Variants in CCDC148 observed in about 807,000 individuals in gnomAD.
The protein encoded by CCDC148 is coiled-coil domain-containing protein 148.
In CCDC148, 89 loss-of-function variants were observed where a neutral mutation model predicts 85.7. The ratio of observed to expected loss-of-function variants is 1.04; its 90% CI spans 0.87 to 1.24. The LOEUF (loss-of-function observed/expected upper bound fraction) is 1.24. Ranked by LOEUF, CCDC148 falls within the 50% of genes most tolerant of loss-of-function variation. The pLI, the probability that CCDC148 is intolerant of heterozygous loss-of-function variation, is 0.00. For missense variants in CCDC148, 692 were observed against 671.7 expected, an observed-to-expected ratio of 1.03 and a Z score of -0.33; for synonymous variants, 230 against 213.9, an observed-to-expected ratio of 1.08 and a Z score of -0.66.
intron 1 of CCDC148, among the ~76,000 whole-genome samples, chr2:158,406,642 A>G (rs1332711431): frequency 5.8e-4 from 2 of 3,452 alleles, no homozygotes; most frequent in African/African-American, 1.2e-3. Flanking sequence ...TTTTTTTTTG[A>G]GACAGTGTCT....
chr2:158,427,275 A>C (rs1687120466), intron 1 of CCDC148, among the ~76,000 whole-genome samples: 1 of 152,204 alleles, frequency 6.6e-6, no homozygotes. Context: ...ATGATTCTAT[A>C]AAAATAAATG....
intron 9 of CCDC148, among the ~76,000 whole-genome samples, chr2:158,262,716 T>C (rs529091437): frequency 1.3e-5 from 2 of 151,968 alleles, no homozygotes; most frequent in Non-Finnish European, 2.9e-5. Flanking sequence ...TCAGATCTCA[T>C]GAGAACTCAC....
At chr2:158,232,026 C>G (rs1313678138) in intron 10 of CCDC148, among the ~76,000 whole-genome samples, 3 of 151,904 alleles carry the variant, frequency 2.0e-5, no homozygotes, top group East Asian at 3.9e-4. Context: ...GATTGTTAGA[C>G]TTTTTGAAGG....
At chr2:158,332,587 G>A (rs1192588668) in intron 7 of CCDC148, among the ~76,000 whole-genome samples, 1 of 150,962 alleles carries the variant, frequency 6.6e-6, no homozygotes, top group Non-Finnish European at 1.5e-5. Context: ...TCTATTATTT[G>A]GAATAGTTTC....
intron 7 of CCDC148, among the ~76,000 whole-genome samples, chr2:158,337,748 A>G (rs1355527212): frequency 6.6e-6 from 1 of 152,146 alleles, no homozygotes; most frequent in Non-Finnish European, 1.5e-5. Flanking sequence ...AATAGAAGCT[A>G]TAACTGAAGA....
intron 1 of CCDC148, among the ~76,000 whole-genome samples, chr2:158,406,393 G>C (rs6437171): frequency 0.39 from 59,744 of 151,744 alleles, 12,418 homozygotes; most frequent in East Asian, 0.61. Context: ...AGGTCCTAGT[G>C]GGGGGCTGGG....
intron 1 of CCDC148, among the ~76,000 whole-genome samples, chr2:158,382,930 A>C (rs1684937988): frequency 6.6e-6 from 1 of 152,044 alleles, no homozygotes; most frequent in Non-Finnish European, 1.5e-5. Context: ...CACAAAAAAA[A>C]ACCACAATAA....
At chr2:158,446,628 TG>T (rs955378843) in intron 1 of CCDC148, among the ~76,000 whole-genome samples, 3 of 152,228 alleles carry the variant, frequency 2.0e-5, no homozygotes, top group Non-Finnish European at 2.9e-5. Context: ...ATAGCTTTAT[TG>T]GGGTCTAATT....
intron 9 of CCDC148, among the ~76,000 whole-genome samples, chr2:158,262,657 A>AC: frequency 6.6e-6 from 1 of 152,096 alleles, no homozygotes; most frequent in East Asian, 1.9e-4. Flanking sequence ...GGCATGTCTT[A>AC]CATAGTGGCA....
intron 1 of CCDC148, among the ~76,000 whole-genome samples, chr2:158,395,992 T>C (rs938597316): frequency 1.3e-4 from 19 of 151,690 alleles, no homozygotes; most frequent in Non-Finnish European, 2.5e-4. Flanking sequence ...CGTAAAGCAA[T>C]TGTTGATGGA....
chr2:158,362,136 T>C (rs1683979184), intron 1 of CCDC148, among the ~76,000 whole-genome samples: 1 of 151,746 alleles, frequency 6.6e-6, no homozygotes, highest in South Asian at 2.1e-4. Flanking sequence ...CTATCCTAAA[T>C]ATATATGCAC....
chr2:158,216,543 C>A (rs7603789), intron 11 of CCDC148, among the ~76,000 whole-genome samples: 3,678 of 151,652 alleles, frequency 0.024, 129 homozygotes, highest in African/African-American at 0.079. Flanking sequence ...ATTACAGGTG[C>A]GTGCCACCAT....
chr2:158,311,452 T>C (rs532134195), intron 8 of CCDC148, among the ~76,000 whole-genome samples: 2 of 149,070 alleles, frequency 1.3e-5, no homozygotes, highest in Admixed American at 6.7e-5. Flanking sequence ...AGAGGGAGAC[T>C]GTGGAAAGCG....
In CCDC148 at chr2:158,438,159, G is replaced by A. The variant is rs943944475; in HGVS notation, c.25+18256C>T. On this transcript the variant is annotated intron_variant, in intron 1 of 13. Coordinates refer to ENST00000283233, the MANE Select transcript of CCDC148 (RefSeq NM_138803.4). ...CATGTGGAACCAAAAAAGAGCCCGC[G>A]TTGCCAAGACAATCCTAAGCCAAAA... Among the ~76,000 whole-genome samples the A allele has an allele frequency of 5.9e-5, 9 of 152,082 alleles. No individual in the cohort carries two copies. In the South Asian group the frequency reaches 8.3e-4, roughly 14 times the overall value.
At chr2:158,236,833 G>A (rs575179776) in intron 10 of CCDC148, among the ~76,000 whole-genome samples, 1 of 152,186 alleles carries the variant, frequency 6.6e-6, no homozygotes, top group South Asian at 2.1e-4. Flanking sequence ...CCAGCACTGG[G>A]GCTAAAGCAA....
intron 9 of CCDC148, among the ~76,000 whole-genome samples, chr2:158,291,622 C>T (rs1173721533): frequency 6.6e-6 from 1 of 152,118 alleles, no homozygotes; most frequent in Non-Finnish European, 1.5e-5. Context: ...AGGCTATGTG[C>T]TGTCCTCTGT....
At chr2:158,357,245 AG>A (rs1217451011) in intron 2 of CCDC148, among the ~76,000 whole-genome samples, 2 of 151,778 alleles carry the variant, frequency 1.3e-5, no homozygotes, top group Non-Finnish European at 2.9e-5. Flanking sequence ...ATAAAAAAAA[AG>A]AAGACAAAAA....
intron 9 of CCDC148, among the ~76,000 whole-genome samples, chr2:158,266,366 C>T (rs929985934): frequency 3.5e-4 from 53 of 152,238 alleles, no homozygotes; most frequent in African/African-American, 1.2e-3. Context: ...TGTAGGCCTG[C>T]GGTCACCAGA....
At chr2:158,223,108 C>G (rs1305201155) in intron 10 of CCDC148, among the ~76,000 whole-genome samples, 2 of 152,152 alleles carry the variant, frequency 1.3e-5, no homozygotes, top group African/African-American at 4.8e-5. Flanking sequence ...AAAATCGGGT[C>G]ACTCCCACGC....
Sources: allele counts gnomAD v4.1 joint callset (sites outside exome capture counted in the v4.1 genomes callset), GRCh38; gene constraint gnomAD v4.1.1; transcripts MANE v1.5; gene names NCBI Gene and HGNC (gene_info 2026-07-23, HGNC 2026-07-21).